GDPD5: variants seen among roughly 807,000 people sequenced by gnomAD.
GDPD5 encodes the protein glycerophosphodiester phosphodiesterase domain containing 5, also known as glycerophosphodiester phosphodiesterase 2.
GDPD5 carries 48 observed loss-of-function variants against 75.1 expected under a neutral mutation model. The ratio of observed to expected loss-of-function variants is 0.64; its 90% CI spans 0.51 to 0.81. GDPD5 has a LOEUF of 0.81. Among genes scored for constraint, GDPD5 ranks in the 40% least tolerant of loss-of-function variants. The pLI, the probability that GDPD5 is intolerant of heterozygous loss-of-function variation, is 0.00. For missense variants in GDPD5, 706 were observed against 822.6 expected (o/e 0.86, Z 1.73); for synonymous variants, 336 against 339.0 (o/e 0.99, Z 0.10).
At chr11:75,465,746 G>A (rs1225629684) in intron 3 of GDPD5, among the ~76,000 whole-genome samples, 1 of 152,204 alleles carries the variant, frequency 6.6e-6, no homozygotes, top group Non-Finnish European at 1.5e-5. Context: ...CCTCCTCAGG[G>A]GCAAGGCCTG....
At chr11:75,456,977 A>C (rs1565192249) in intron 5 of GDPD5, among the ~76,000 whole-genome samples, 161 bp from the exon 6 acceptor site, 1 of 152,232 alleles carries the variant, frequency 6.6e-6, no homozygotes, top group Non-Finnish European at 1.5e-5. Context: ...TCCCCAGCCC[A>C]GCCCAGACTA....
intron 13 of GDPD5, 103 bp downstream of exon 13, chr11:75,441,543 C>CGTGTGTGTGTGT: frequency 2.1e-6 from 2 of 952,190 alleles, no homozygotes; most frequent in South Asian, 3.3e-5. Context: ...TCTGCCCGAC[C>CGTGTGTGTGTGT]GTGTGTGTGT....
rs1948599235 is a variant in GDPD5 at position 75,435,412 on chromosome 11, C to T, written c.*95G>A. ...GCCCACAAGGAGGCTGTGGAGCCCG[C>T]TCCCAGAGCACTCCGAGTTCAGACA... On this transcript the variant is annotated 3_prime_UTR_variant, in exon 17 of 17. Transcript: ENST00000336898. The T allele has an allele frequency of 2.4e-6, 3 of 1,243,452 alleles. No homozygotes were observed. The highest frequency in any genetic ancestry group is 4.9e-5 in the East Asian group (2 of 40,918). The allele number at this position is 1,243,452 out of a possible 1,614,324, so 77.0% of individuals were successfully genotyped here.
intron 15 of GDPD5, chr11:75,439,213 C>A: frequency 2.5e-6 from 1 of 403,086 alleles, no homozygotes; most frequent in Non-Finnish European, 5.1e-6. Flanking sequence ...TTCAGGCGAG[C>A]GCGCTGTCTG....
intron 11 of GDPD5, 126 bp downstream of exon 11, chr11:75,443,010 G>T: frequency 1.9e-6 from 2 of 1,078,894 alleles, no homozygotes; most frequent in Non-Finnish European, 2.8e-6. Context: ...TAAGCAGCTT[G>T]GGTGGAGGTC....
intron 1 of GDPD5, among the ~76,000 whole-genome samples, chr11:75,497,255 C>T (rs1394834475): frequency 6.6e-6 from 1 of 152,138 alleles, no homozygotes; most frequent in Non-Finnish European, 1.5e-5. Context: ...TGGAGGAGCC[C>T]ATGAGCTAAA....
At chr11:75,522,370 C>T (rs891463086) in intron 1 of GDPD5, among the ~76,000 whole-genome samples, 2 of 152,184 alleles carry the variant, frequency 1.3e-5, no homozygotes, top group Admixed American at 1.3e-4. Flanking sequence ...CCCGTCTTTG[C>T]AGCAAGTTTC....
chr11:75,499,964 A>G (rs1013877054), intron 1 of GDPD5, among the ~76,000 whole-genome samples: 16 of 152,048 alleles, frequency 1.1e-4, no homozygotes, highest in Admixed American at 3.9e-4. Flanking sequence ...TCCTCCCCAC[A>G]CCCCAGGGTG....
intron 15 of GDPD5, chr11:75,439,250 T>C: frequency 2.3e-6 from 1 of 440,742 alleles, no homozygotes; most frequent in Non-Finnish European, 4.6e-6. Context: ...CAGGGCTTGG[T>C]GCACGGTGGG....
intron 1 of GDPD5, chr11:75,517,430 G>A (rs1273069624): frequency 2.0e-5 from 3 of 151,908 alleles, no homozygotes; most frequent in Admixed American, 6.6e-5. Context: ...CTCCAGCCTG[G>A]GCAATAAGAA....
chr11:75,457,820 C>A (rs1949321522), intron 4 of GDPD5, 34 bp from the exon 5 acceptor site: 2 of 1,518,940 alleles, frequency 1.3e-6, no homozygotes, highest in Non-Finnish European at 9.1e-7. Flanking sequence ...GGTCAGACCT[C>A]CACCAGGCCA....
intron 9 of GDPD5, among the ~76,000 whole-genome samples, chr11:75,445,318 G>C (rs970636136): frequency 1.3e-5 from 2 of 152,098 alleles, no homozygotes; most frequent in African/African-American, 4.8e-5. Context: ...CCCAGCTCTG[G>C]TTCTAGCCTT....
intron 4 of GDPD5, among the ~76,000 whole-genome samples, chr11:75,459,679 A>G (rs528666588): frequency 1.1e-4 from 17 of 152,220 alleles, no homozygotes; most frequent in African/African-American, 3.9e-4. Context: ...GAGTGGTGGC[A>G]GACACCTGTA....
intron 2 of GDPD5, among the ~76,000 whole-genome samples, chr11:75,480,692 C>T (rs1023712479): frequency 2.0e-5 from 3 of 152,182 alleles, no homozygotes; most frequent in East Asian, 1.9e-4. Flanking sequence ...TTCATACCCA[C>T]GCAGGTTGGC....
Position 75,441,774 on chromosome 11 carries a change from G to C in GDPD5, c.1197C>G (p.Pro399=), listed in dbSNP as rs569060196. The part of the protein sequence containing the change: ...QVMWLPSRQR[P]LVRKVAPGFQ... ...AGCCGGGAGCCACCTTCCGCACCAGGGGCCTCTGCCTGCTAGGCAGCCACA... is the reference window on the plus strand; with the variant it reads ...AGCCGGGAGCCACCTTCCGCACCAGCGGCCTCTGCCTGCTAGGCAGCCACA... Residue 399 remains proline (P), a synonymous_variant, in exon 13 of 17, where the codon CCC becomes CCG. Coordinates refer to ENST00000336898, the MANE Select transcript of GDPD5 (RefSeq NM_030792.8). 1.2e-6 allele frequency: 2 copies of C among 1,610,642 alleles called. No homozygotes were observed. The highest frequency in any genetic ancestry group is 1.1e-5 in the South Asian group (1 of 91,052).
intron 1 of GDPD5, among the ~76,000 whole-genome samples, chr11:75,497,545 A>AC (rs1243783621): frequency 1.2e-5 from 1 of 84,348 alleles, no homozygotes; most frequent in Admixed American, 1.4e-4. Flanking sequence ...CCCTAAGGGC[A>AC]CCCTCTCTCG....
At chr11:75,459,472 T>C (rs768796966) in intron 4 of GDPD5, among the ~76,000 whole-genome samples, 1 of 151,896 alleles carries the variant, frequency 6.6e-6, no homozygotes, top group African/African-American at 2.4e-5. Context: ...GCTGGTGGGA[T>C]TGAAATTTTT....
At chr11:75,494,910 C>A (rs1177534858) in intron 1 of GDPD5, among the ~76,000 whole-genome samples, 1 of 151,800 alleles carries the variant, frequency 6.6e-6, no homozygotes, top group East Asian at 1.9e-4. Flanking sequence ...TACCATCATG[C>A]CACTGCACTC....
chr11:75,444,367 G>T, intron 10 of GDPD5, 46 bp downstream of exon 10: 1 of 1,404,892 alleles, frequency 7.1e-7, no homozygotes, highest in Non-Finnish European at 1.0e-6. Context: ...GGATGCCGAA[G>T]CGTGTGGGAG....
Sources: allele counts gnomAD v4.1 joint callset (sites outside exome capture counted in the v4.1 genomes callset), GRCh38; gene constraint gnomAD v4.1.1; transcripts MANE v1.5; gene names NCBI Gene and HGNC (gene_info 2026-07-23, HGNC 2026-07-21).